The following ZFHX3 variants were observed in gnomAD, a reference collection of about 807,000 sequenced individuals.
The protein encoded by ZFHX3 is zinc finger homeobox 3.
Under a neutral mutation model 279.1 loss-of-function variants are expected in ZFHX3, and 42 were observed. That is an observed-to-expected ratio of 0.15 (90% CI 0.12 to 0.19). The LOEUF (loss-of-function observed/expected upper bound fraction) is 0.19, where lower values mean the gene tolerates loss of function less well. Among genes scored for constraint, ZFHX3 ranks in the 10% least tolerant of loss-of-function variants. The pLI, the probability that ZFHX3 is intolerant of heterozygous loss-of-function variation, is 1.00. For synonymous variants in ZFHX3, 2,293 were observed against 1,957.8 expected, an observed-to-expected ratio of 1.17 and a Z score of -4.52; for missense variants, 4,981 against 4,754.0, an observed-to-expected ratio of 1.05 and a Z score of -1.40.
At chr16:73,471,566 A>G (rs769920802) in intron 2 of ZFHX3, among the ~76,000 whole-genome samples, 1 of 151,962 alleles carries the variant, frequency 6.6e-6, no homozygotes, top group Non-Finnish European at 1.5e-5. Flanking sequence ...GAGCCACTGC[A>G]CCTGGCCATG....
intron 4 of ZFHX3, among the ~76,000 whole-genome samples, chr16:73,286,375 AT>A (rs2143079121): frequency 6.6e-6 from 1 of 152,370 alleles, no homozygotes; most frequent in East Asian, 1.9e-4. Flanking sequence ...GCGGCCCCAA[AT>A]TAGGGAAATG....
At chr16:73,278,583 G>A (rs1195646456) in intron 4 of ZFHX3, among the ~76,000 whole-genome samples, 1 of 152,234 alleles carries the variant, frequency 6.6e-6, no homozygotes, top group African/African-American at 2.4e-5. Flanking sequence ...GAGCGAGTAG[G>A]AGGTGCTGGC....
chr16:73,294,564 A>G (rs2143109681), intron 4 of ZFHX3, among the ~76,000 whole-genome samples: 1 of 152,334 alleles, frequency 6.6e-6, no homozygotes, highest in African/African-American at 2.4e-5. Context: ...TAATCCCATT[A>G]CTTCGGGAGG....
At chr16:73,680,723 A>G (rs1265142092) in intron 1 of ZFHX3, among the ~76,000 whole-genome samples, 1 of 152,232 alleles carries the variant, frequency 6.6e-6, no homozygotes, top group Non-Finnish European at 1.5e-5. Context: ...TGGTGGGTGT[A>G]TATCATGGAA....
intron 5 of ZFHX3, among the ~76,000 whole-genome samples, chr16:73,199,440 A>G (rs1968222487): frequency 6.6e-6 from 1 of 152,196 alleles, no homozygotes. Flanking sequence ...TTTCCAAGGA[A>G]GCCGGTTTTA....
intron 5 of ZFHX3, among the ~76,000 whole-genome samples, chr16:73,158,553 A>G (rs1967151971): frequency 6.6e-6 from 1 of 152,146 alleles, no homozygotes; most frequent in African/African-American, 2.4e-5. Flanking sequence ...ACATTTAGAC[A>G]TATACAGCAT....
intron 1 of ZFHX3, among the ~76,000 whole-genome samples, chr16:73,754,775 T>C (rs960500274): frequency 6.6e-6 from 1 of 152,042 alleles, no homozygotes; most frequent in African/African-American, 2.4e-5. Context: ...AAAGGAGAGA[T>C]TAATGACAGA....
chr16:73,266,834 T>C (rs1597252368), intron 4 of ZFHX3, among the ~76,000 whole-genome samples: 1 of 152,242 alleles, frequency 6.6e-6, no homozygotes, highest in South Asian at 2.1e-4. Flanking sequence ...GCTTTCGCCT[T>C]CCGCCATGAT....
chr16:73,071,456 TCTGCTGCTGCTG>T (rs749188404), intron 8 of ZFHX3, among the ~76,000 whole-genome samples: 13 of 150,590 alleles, frequency 8.6e-5, no homozygotes, highest in South Asian at 8.4e-4. Flanking sequence ...TGGTCTTTTC[TCTGCTGCTGCTG>T]CTGCTGCTGC....
intron 2 of ZFHX3, among the ~76,000 whole-genome samples, chr16:73,461,993 C>T (rs1050324486): frequency 2.6e-5 from 4 of 152,176 alleles, no homozygotes; most frequent in African/African-American, 9.7e-5. Flanking sequence ...AGTCTTCCAT[C>T]AACATTGAAT....
chr16:73,313,566 G>A (rs1428983817), intron 4 of ZFHX3, among the ~76,000 whole-genome samples: 1 of 152,092 alleles, frequency 6.6e-6, no homozygotes, highest in African/African-American at 2.4e-5. Context: ...TCTTGCTCAA[G>A]GTCACACAGC....
intron 2 of ZFHX3, among the ~76,000 whole-genome samples, chr16:73,474,716 A>C (rs929952102): frequency 6.6e-6 from 1 of 152,178 alleles, no homozygotes; most frequent in Non-Finnish European, 1.5e-5. Context: ...CTGGAACTAG[A>C]CTATACACAC....
chr16:73,094,991 T>A (rs754332008), intron 7 of ZFHX3, among the ~76,000 whole-genome samples: 1 of 152,248 alleles, frequency 6.6e-6, no homozygotes, highest in Non-Finnish European at 1.5e-5. Context: ...ATTACAGGCA[T>A]GAGCCACTGT....
At chr16:73,764,585 C>T (rs1460862345) in intron 1 of ZFHX3, among the ~76,000 whole-genome samples, 1 of 152,050 alleles carries the variant, frequency 6.6e-6, no homozygotes, top group African/African-American at 2.4e-5. Context: ...ACAGCCAATA[C>T]AAAAGGGAAT....
intron 6 of ZFHX3, among the ~76,000 whole-genome samples, chr16:73,135,169 A>G (rs1285542105): frequency 1.3e-5 from 2 of 152,218 alleles, no homozygotes; most frequent in African/African-American, 4.8e-5. Flanking sequence ...AAACTGTATT[A>G]TAGCTTATCC....
At chr16:73,152,822 G>T (rs900698047) in intron 5 of ZFHX3, among the ~76,000 whole-genome samples, 3 of 150,346 alleles carry the variant, frequency 2.0e-5, no homozygotes, top group Non-Finnish European at 3.0e-5. Flanking sequence ...GAAGGGGGCT[G>T]GGGGGAAGGG....
At chr16:73,378,531 C>T (rs566721900) in intron 3 of ZFHX3, among the ~76,000 whole-genome samples, 2 of 152,062 alleles carry the variant, frequency 1.3e-5, no homozygotes, top group African/African-American at 4.8e-5. Context: ...AGGTTAAATG[C>T]TAAAGGTTAA....
chr16:73,232,406 C>T (rs977417675), intron 5 of ZFHX3: 1 of 152,072 alleles, frequency 6.6e-6, no homozygotes, highest in African/African-American at 2.4e-5. Flanking sequence ...TAACAGAAGG[C>T]GAGAGGGACC....
intron 2 of ZFHX3, among the ~76,000 whole-genome samples, chr16:73,621,057 T>A (rs1268558017): frequency 6.6e-6 from 1 of 152,238 alleles, no homozygotes; most frequent in Admixed American, 6.5e-5. Context: ...ATTAAAATCA[T>A]ACTGAATTTT....
Sources: gnomAD v4.1 joint callset for allele counts (sites outside exome capture counted in the v4.1 genomes callset) on GRCh38, gnomAD v4.1.1 for gene constraint, MANE v1.5 for transcripts, NCBI Gene and HGNC (gene_info 2026-07-23, HGNC 2026-07-21) for gene names.